TTC28: variants seen among roughly 807,000 people sequenced by gnomAD.
TTC28 encodes the protein tetratricopeptide repeat domain 28.
In TTC28, 61 loss-of-function variants were observed where a neutral mutation model predicts 198.0. The ratio of observed to expected loss-of-function variants is 0.31; its 90% confidence interval spans 0.25 to 0.38. The LOEUF is 0.38. Among genes scored for constraint, TTC28 ranks in the 10% least tolerant of loss-of-function variants. The probability of loss-of-function intolerance (pLI) is 1.00; values close to 1 mark genes in which losing one functional copy is unlikely to be tolerated. For missense variants in TTC28, 2,678 were observed against 3,164.0 expected, an observed-to-expected ratio of 0.85 and a Z score of 3.69; for synonymous variants, 1,171 against 1,297.8, an observed-to-expected ratio of 0.90 and a Z score of 2.10.
intron 2 of TTC28, among the ~76,000 whole-genome samples, chr22:28,432,364 G>C (rs1430280811): frequency 1.3e-5 from 2 of 151,742 alleles, no homozygotes; most frequent in Non-Finnish European, 2.9e-5. Flanking sequence ...GTATTGATTT[G>C]TTAATACTTT....
chr22:28,107,555 A>C lies in TTC28; in HGVS notation c.2290T>G (p.Tyr764Asp), dbSNP rs1942346244. 1 of 1,551,686 alleles carries C rather than the reference A, an allele frequency of 6.4e-7. No individual in the cohort carries two copies. Among genetic ancestry groups the C allele is most frequent in the Non-Finnish European group, 8.7e-7 (1 of 1,147,042 alleles). The stretch of plus-strand genomic sequence containing the variant: ...TTGTCATACTTCTGGATCATTCGGT[A>C]TGCAGTGCCCAGGGCTGCATATGCA... ...ASAYAALGTA[Y>D]RMIQKYDKAL... The change falls in exon 7 of 23, where the codon TAC becomes GAC. Residue 764 changes from tyrosine (Y) to aspartate (D), a missense_variant. Tyr to Asp is a radical substitution (Grantham distance 160). Around this residue, in one of 8 missense-constraint regions of TTC28, gnomAD observed 775 missense variants for 845.9 expected, o/e 0.92. Transcript: ENST00000397906.
At chr22:28,323,666 G>C (rs892709944) in intron 2 of TTC28, among the ~76,000 whole-genome samples, 2 of 152,182 alleles carry the variant, frequency 1.3e-5, no homozygotes, top group Admixed American at 6.5e-5. Flanking sequence ...TAGCCTTAAA[G>C]AGGACGTAGA....
chr22:28,537,294 A>AACATAATATAAATTAAATTAAATTAAATT (rs1569008943), intron 2 of TTC28, among the ~76,000 whole-genome samples: 1 of 74,564 alleles, frequency 1.3e-5, no homozygotes, highest in Non-Finnish European at 2.6e-5. Context: ...CTCCGTCTCA[A>AACATAATATAAATTAAATTAAATTAAATT]AAATAAAATA....
chr22:28,082,762 A>T (rs368271707), intron 12 of TTC28, among the ~76,000 whole-genome samples: 2 of 152,202 alleles, frequency 1.3e-5, no homozygotes, highest in South Asian at 2.1e-4. Context: ...GGCCTCATAA[A>T]ATGAATTTGT....
intron 15 of TTC28, chr22:27,999,525 C>A (rs1310036817): frequency 1.0e-5 from 5 of 499,782 alleles, no homozygotes; most frequent in Non-Finnish European, 1.8e-5. Context: ...GGGGAGGAGG[C>A]CTTGATATGA....
At chr22:28,440,066 C>T (rs1227950349) in intron 2 of TTC28, among the ~76,000 whole-genome samples, 1 of 152,222 alleles carries the variant, frequency 6.6e-6, no homozygotes, top group Non-Finnish European at 1.5e-5. Flanking sequence ...GAACTCCTGA[C>T]CTCAGGTCAT....
At chr22:28,055,389 G>A (rs576082159) in intron 12 of TTC28, among the ~76,000 whole-genome samples, 1 of 152,238 alleles carries the variant, frequency 6.6e-6, no homozygotes, top group Non-Finnish European at 1.5e-5. Context: ...GAGACAAAAT[G>A]GGATAGAATG....
At chr22:28,024,163 C>CATGG in intron 13 of TTC28, among the ~76,000 whole-genome samples, 1 of 152,218 alleles carries the variant, frequency 6.6e-6, no homozygotes, top group South Asian at 2.1e-4. Context: ...GGGGAGAGGG[C>CATGG]ATGGACACAG....
At chr22:28,192,876 T>C (rs546723352) in intron 5 of TTC28, among the ~76,000 whole-genome samples, 3 of 152,174 alleles carry the variant, frequency 2.0e-5, no homozygotes, top group African/African-American at 7.2e-5. Context: ...TGCAGGATAT[T>C]TTCCAGGAGA....
At chr22:28,078,503 T>C (rs778367694) in intron 12 of TTC28, among the ~76,000 whole-genome samples, 8 of 151,662 alleles carry the variant, frequency 5.3e-5, no homozygotes, top group African/African-American at 1.7e-4. Flanking sequence ...ACAAACTACA[T>C]AAATATAAAA....
intron 5 of TTC28, among the ~76,000 whole-genome samples, chr22:28,223,221 C>T (rs1367132763): frequency 6.6e-6 from 1 of 152,178 alleles, no homozygotes; most frequent in Non-Finnish European, 1.5e-5. Flanking sequence ...CCCACAAATA[C>T]TCACTGAGAA....
At chr22:28,301,171 T>C (rs2045014893) in intron 3 of TTC28, among the ~76,000 whole-genome samples, 1 of 152,244 alleles carries the variant, frequency 6.6e-6, no homozygotes, top group African/African-American at 2.4e-5. Flanking sequence ...GTTTTCTAAA[T>C]GTATAGGTGA....
In TTC28 at chr22:28,641,065, T is replaced by C. The variant is rs909266600; in HGVS notation, c.103-11235A>G. 7.9e-4 allele frequency among the ~76,000 whole-genome samples: 120 copies of C among 152,218 alleles called. 1 individual carries two copies. The highest frequency in any genetic ancestry group is 2.7e-3 in the African/African-American group (113 of 41,548). On this transcript the variant is annotated intron_variant, in intron 1 of 22. Coordinates refer to ENST00000397906, the MANE Select transcript of TTC28 (RefSeq NM_001145418.2). ...AATAGGCCAGGCACAGTGGCTCACA[T>C]CTGTAATCCCAGCACTATGGGAGGC...
intron 2 of TTC28, among the ~76,000 whole-genome samples, chr22:28,308,992 T>A (rs2045201425): frequency 6.6e-6 from 1 of 152,168 alleles, no homozygotes; most frequent in African/African-American, 2.4e-5. Context: ...TCATTGCATG[T>A]ACAAATGGCT....
chr22:27,998,357 T>C, intron 16 of TTC28, 183 bp downstream of exon 16: 1 of 1,012,088 alleles, frequency 9.9e-7, no homozygotes. Context: ...AAGATGATCT[T>C]AATAGTAGGA....
At chr22:28,437,249 A>G (rs1167007860) in intron 2 of TTC28, among the ~76,000 whole-genome samples, 1 of 152,056 alleles carries the variant, frequency 6.6e-6, no homozygotes, top group Non-Finnish European at 1.5e-5. Context: ...TTCCTGGCTA[A>G]TTTTTGTATT....
In TTC28 at chr22:28,049,646, T is replaced by C. The variant is rs148265811; in HGVS notation, c.3933-19280A>G. 2.6e-4 allele frequency among the ~76,000 whole-genome samples: 40 copies of C among 152,042 alleles called. No individual in the cohort carries two copies. In the East Asian group the frequency reaches 4.5e-3, roughly 17 times the overall value. ...ATGATGGCCCCACTGAACTTAATCATGGGGTGTGTGAGCACATACACATAA... is the reference window on the plus strand; with the variant it reads ...ATGATGGCCCCACTGAACTTAATCACGGGGTGTGTGAGCACATACACATAA... On this transcript the variant is annotated intron_variant, in intron 12 of 22. Transcript: ENST00000397906.
intron 2 of TTC28, among the ~76,000 whole-genome samples, chr22:28,443,816 A>T (rs779337815): frequency 1.3e-4 from 20 of 152,210 alleles, no homozygotes; most frequent in Admixed American, 4.6e-4. Flanking sequence ...CAAAGCCAAA[A>T]ACACCTAAGC....
At chr22:28,196,408 T>C (rs370441323) in intron 5 of TTC28, among the ~76,000 whole-genome samples, 27 of 152,008 alleles carry the variant, frequency 1.8e-4, no homozygotes, top group East Asian at 3.9e-4. Flanking sequence ...ACACCAAAAG[T>C]AATGGCAACA....
Sources: gnomAD v4.1 joint callset for allele counts (sites outside exome capture counted in the v4.1 genomes callset) on GRCh38, gnomAD v4.1.1 for gene constraint, gnomAD v4.1.1 regional missense constraint, MANE v1.5 for transcripts, NCBI Gene and HGNC (gene_info 2026-07-23, HGNC 2026-07-21) for gene names.